TMC2: variants seen among roughly 807,000 people sequenced by gnomAD.
TMC2 encodes the protein transmembrane channel-like protein 2.
TMC2 carries 102 observed loss-of-function variants against 105.9 expected under a neutral mutation model. The observed-to-expected ratio is 0.96, with a 90% CI of 0.82 to 1.14. The LOEUF (loss-of-function observed/expected upper bound fraction) is 1.14. Among genes scored for constraint, TMC2 ranks in the 50% most tolerant of loss-of-function variants. The pLI is 0.00. For missense variants in TMC2, 1,093 were observed against 1,134.3 expected (o/e 0.96, Z 0.52); for synonymous variants, 402 against 422.8 (o/e 0.95, Z 0.60).
intron 7 of TMC2, among the ~76,000 whole-genome samples, chr20:2,591,202 A>C (rs2086265578): frequency 6.6e-6 from 1 of 152,206 alleles, no homozygotes; most frequent in Non-Finnish European, 1.5e-5. Flanking sequence ...GGATTTGTTA[A>C]GTAAGTTTCT....
intron 7 of TMC2, among the ~76,000 whole-genome samples, chr20:2,589,350 C>G (rs113730561): frequency 2.6e-4 from 35 of 133,390 alleles, no homozygotes; most frequent in African/African-American, 9.8e-4. Context: ...CATGTTGCCC[C>G]GGCTGGTCTT....
rs183488178 is a variant in TMC2 at position 2,599,155 on chromosome 20, C to T, written c.1224+1857C>T. Reference sequence around the variant, plus strand: ...CAAATGATCCACCTGCCAATCCCAGCTACTCGGGAGGCTGAGGCAGGAGAA... The same window carrying T: ...CAAATGATCCACCTGCCAATCCCAGTTACTCGGGAGGCTGAGGCAGGAGAA... On this transcript the variant is annotated intron_variant, in intron 10 of 19. Transcript: ENST00000358864. 2.8e-3 allele frequency among the ~76,000 whole-genome samples: 428 copies of T among 152,214 alleles called. 2 individuals carry two copies. The highest frequency in any genetic ancestry group is 4.7e-3 in the Admixed American group (72 of 15,278).
chr20:2,607,198 G>A (rs974832038), intron 11 of TMC2, among the ~76,000 whole-genome samples: 1 of 152,066 alleles, frequency 6.6e-6, no homozygotes, highest in Non-Finnish European at 1.5e-5. Context: ...GTGAGGCATG[G>A]TTCAGGATGA....
At chr20:2,579,774 G>A (rs996350224) in intron 6 of TMC2, among the ~76,000 whole-genome samples, 176 bp from the exon 7 acceptor site, 2 of 152,190 alleles carry the variant, frequency 1.3e-5, no homozygotes, top group South Asian at 2.1e-4. Context: ...TGGGCACTTA[G>A]GCAAGTTAGT....
intron 2 of TMC2, among the ~76,000 whole-genome samples, chr20:2,540,312 G>T (rs2085881063): frequency 6.6e-6 from 1 of 151,764 alleles, no homozygotes; most frequent in Non-Finnish European, 1.5e-5. Flanking sequence ...ATGCACCTAT[G>T]CCAGTTATCT....
chr20:2,595,450 T>C (rs1193610120), intron 9 of TMC2, among the ~76,000 whole-genome samples: 1 of 152,142 alleles, frequency 6.6e-6, no homozygotes, highest in East Asian at 1.9e-4. Context: ...AAGGCTGGCA[T>C]ATAGAAAGAT....
chr20:2,543,576 G>A (rs1183295238), intron 2 of TMC2, among the ~76,000 whole-genome samples: 2 of 152,186 alleles, frequency 1.3e-5, no homozygotes, highest in African/African-American at 2.4e-5. Context: ...GGAAAATCCT[G>A]TAATGAACAA....
intron 2 of TMC2, among the ~76,000 whole-genome samples, chr20:2,546,731 A>G (rs1464077395): frequency 6.6e-6 from 1 of 152,180 alleles, no homozygotes; most frequent in Non-Finnish European, 1.5e-5. Flanking sequence ...TGAAGACAAA[A>G]ACTCTGGAGA....
rs143364256 is a variant in TMC2 at position 2,542,260 on chromosome 20, C to G, written c.82+4944C>G. Reference sequence around the variant, plus strand: ...ATACTATCTTAGAGGTATATATCATCTTAAAGGGTGATAGAGTGTGGAGAA... The same window carrying G: ...ATACTATCTTAGAGGTATATATCATGTTAAAGGGTGATAGAGTGTGGAGAA... On this transcript the variant is annotated intron_variant, in intron 2 of 19. Coordinates refer to ENST00000358864, the MANE Select transcript of TMC2 (RefSeq NM_080751.3). 1.3e-5 allele frequency among the ~76,000 whole-genome samples: 2 copies of G among 152,264 alleles called. 1 individual carries two copies. Among genetic ancestry groups the G allele is most frequent in the African/African-American group, 4.8e-5 (2 of 41,534 alleles).
At chr20:2,549,310 C>T (rs545432219) in intron 2 of TMC2, among the ~76,000 whole-genome samples, 1 of 152,326 alleles carries the variant, frequency 6.6e-6, no homozygotes. Flanking sequence ...CCCTCCTCAG[C>T]CTCCCAAAGT....
chr20:2,539,028 G>GCAACA (rs1366112788), intron 2 of TMC2, among the ~76,000 whole-genome samples: 1 of 152,188 alleles, frequency 6.6e-6, no homozygotes, highest in Admixed American at 6.5e-5. Context: ...TGTATCATTT[G>GCAACA]GTAAGTGCAC....
intron 7 of TMC2, among the ~76,000 whole-genome samples, chr20:2,586,122 C>T (rs760164985): frequency 5.3e-4 from 81 of 152,166 alleles, no homozygotes; most frequent in Non-Finnish European, 1.1e-3. Context: ...AAATCTTATT[C>T]TGGCATAGCA....
chr20:2,575,231 A>G (rs1057478588), intron 5 of TMC2, among the ~76,000 whole-genome samples: 1 of 152,250 alleles, frequency 6.6e-6, no homozygotes, highest in African/African-American at 2.4e-5. Context: ...CAATGCTTCA[A>G]CAAACACCTT....
chr20:2,597,393 C>T (rs1456520709), intron 10 of TMC2, 95 bp downstream of exon 10: 3 of 1,308,650 alleles, frequency 2.3e-6, no homozygotes, highest in East Asian at 2.5e-5. Context: ...AAATAAGGTC[C>T]TCAAATAATT....
In TMC2 at chr20:2,617,208, A is replaced by G. The variant is rs1245928086; in HGVS notation, c.2077A>G (p.Asn693Asp). Reference protein sequence around the residue: ...ERVFKASRSNNFYMGLLLLVL... With the variant: ...ERVFKASRSNDFYMGLLLLVL... The stretch of plus-strand genomic sequence containing the variant: ...CGTGTTCAAAGCCTCCCGATCCAAC[A>G]ACTTCTACATGGGCCTCCTGCTGCT... Residue 693 changes from asparagine (N) to aspartate (D), a missense_variant, in exon 16 of 20, where the codon AAC becomes GAC. Asn to Asp is a conservative substitution (Grantham distance 23). Coordinates refer to ENST00000358864, the MANE Select transcript of TMC2 (RefSeq NM_080751.3). The G allele has an allele frequency of 1.9e-6, 3 of 1,614,148 alleles. No individual in the cohort carries two copies. In the African/African-American group the frequency reaches 4.0e-5, roughly 22 times the overall value.
At chr20:2,612,464 A>G (rs924616305) in intron 13 of TMC2, 124 bp downstream of exon 13, 3 of 952,894 alleles carry the variant, frequency 3.1e-6, no homozygotes, top group Non-Finnish European at 2.9e-6. Flanking sequence ...CAAACATTTC[A>G]TAATCATCTA....
At position 2,588,691 on chromosome 20, in the gene TMC2, T is replaced by TTGTGTGTGTGTGTGTGTGTGTGTGTG. The variant is rs57035040; in HGVS notation, c.835-3613_835-3588dup. Among the ~76,000 whole-genome samples, 164 of 143,574 alleles carry TTGTGTGTGTGTGTGTGTGTGTGTGTG rather than the reference T, an allele frequency of 1.1e-3. 3 individuals carry two copies. The highest frequency in any genetic ancestry group is 4.0e-3 in the African/African-American group (151 of 37,674). The allele number at this position is 143,574 out of a possible 152,430, so 94.2% of individuals were successfully genotyped here. ...TATGTGTGTGCCTTTGCATGTGTCT[T>TTGTGTGTGTGTGTGTGTGTGTGTGTG]TGTGTGTGTGTGTGTGTGTGTGTGT... On this transcript the variant is annotated intron_variant, in intron 7 of 19. Transcript: ENST00000358864.
chr20:2,583,620 G>T (rs905314233), intron 7 of TMC2, among the ~76,000 whole-genome samples: 1 of 152,026 alleles, frequency 6.6e-6, no homozygotes, highest in African/African-American at 2.4e-5. Context: ...GTGCCGCCAC[G>T]CCCTGCTAAT....
At chr20:2,602,568 C>A (rs917152463) in intron 11 of TMC2, among the ~76,000 whole-genome samples, 29 of 152,208 alleles carry the variant, frequency 1.9e-4, no homozygotes, top group African/African-American at 6.3e-4. Flanking sequence ...CGAGGCGATC[C>A]TTTCCTCACA....
Sources: gnomAD v4.1 joint callset for allele counts (sites outside exome capture counted in the v4.1 genomes callset) on GRCh38, gnomAD v4.1.1 for gene constraint, MANE v1.5 for transcripts, NCBI Gene and HGNC (gene_info 2026-07-23, HGNC 2026-07-21) for gene names.